Variants in NUDT5 observed in about 807,000 individuals in gnomAD.
NUDT5 encodes nudix hydrolase 5.
A neutral mutation model predicts 34.1 loss-of-function variants in NUDT5; 21 were observed. The observed-to-expected ratio is 0.62, with a 90% CI of 0.44 to 0.89. NUDT5 has a LOEUF of 0.89. NUDT5 is among the 40% of genes least tolerant of loss of function. The pLI is 0.00. For missense variants in NUDT5, 249 were observed against 274.8 expected (o/e 0.91, Z 0.66); for synonymous variants, 85 against 97.6 (o/e 0.87, Z 0.76).
intron 3 of NUDT5, among the ~76,000 whole-genome samples, chr10:12,179,341 C>T (rs1835009132): frequency 6.6e-6 from 1 of 152,184 alleles, no homozygotes; most frequent in Non-Finnish European, 1.5e-5. Flanking sequence ...AAACTCTTGC[C>T]ACCCTACACC....
rs563655993 is a variant in NUDT5, at chr10:12,191,460, T to C, written c.-42+4310A>G. On this transcript the variant is annotated intron_variant, in intron 1 of 9. Transcript: ENST00000491614. ...ACAAAACTCCCAAAACAACTCCACA[T>C]ATAATGATGATTTGCGAACACATTT... Among the ~76,000 whole-genome samples the C allele has an allele frequency of 1.4e-3, 211 of 152,204 alleles. 1 individual carries two copies. Among genetic ancestry groups the C allele is most frequent in the Non-Finnish European group, 2.6e-3 (177 of 68,010 alleles).
Position 12,186,330 on chromosome 10 carries a change from A to ACCCT in NUDT5, c.-41-2_-40dup. ...TTTACAGCCCTCAGGTGAGAAGTTC[A>ACCCT]CCCTGCAAGATAATGAGATTTGTTC... On this transcript the variant is annotated splice_region_variant and 5_prime_UTR_variant, in exon 2 of 10. Transcript: ENST00000491614. 7.3e-7 allele frequency: 1 copy of ACCCT among 1,376,980 alleles called. No homozygotes were observed. The highest frequency in any genetic ancestry group is 1.0e-6 in the Non-Finnish European group (1 of 963,696). 85.3% of individuals were successfully genotyped at this position (1,376,980 alleles called of 1,614,324 possible).
At position 12,166,628 on chromosome 10, in the gene NUDT5, G is replaced by T. The variant is rs1361532487; in HGVS notation, c.*1074C>A. 4.6e-6 allele frequency: 2 copies of T among 437,590 alleles called. No homozygotes were observed. Among genetic ancestry groups the T allele is most frequent in the South Asian group, 3.4e-5 (2 of 59,338 alleles). The allele number at this position is 437,590 out of a possible 1,614,324, so 27.1% of individuals were successfully genotyped here. ...CCTTTCATATGGTTCTCAGGGCCTG[G>T]CTTACCCGCTGGAGCCAGGCTAGAA... On this transcript the variant is annotated 3_prime_UTR_variant, in exon 10 of 10. Coordinates refer to ENST00000491614, the MANE Select transcript of NUDT5 (RefSeq NM_014142.4).
chr10:12,192,742 T>C (rs184564783), intron 1 of NUDT5, among the ~76,000 whole-genome samples: 20 of 151,732 alleles, frequency 1.3e-4, no homozygotes, highest in African/African-American at 3.4e-4. Flanking sequence ...TCCCAGCTAC[T>C]TGGGAGACTG....
In NUDT5 at chr10:12,168,452, G is replaced by T. The variant is rs1362596714; in HGVS notation, c.551-641C>A. Among the ~76,000 whole-genome samples, 1 of 152,150 alleles carries T rather than the reference G, an allele frequency of 6.6e-6. No individual in the cohort carries two copies. The highest frequency in any genetic ancestry group is 2.4e-5 in the African/African-American group (1 of 41,432). ...TGGTGATGATTATGTAGGATCTTAG[G>T]GATTCCATCTTTTCTGCTGCTAGGG... On this transcript the variant is annotated intron_variant, in intron 9 of 9. Coordinates refer to ENST00000491614, the MANE Select transcript of NUDT5 (RefSeq NM_014142.4). The surrounding 1 kb of genome is among the most constrained non-coding windows in gnomAD (Gnocchi z 4.8).
intron 1 of NUDT5, among the ~76,000 whole-genome samples, chr10:12,191,404 CAAAAA>C (rs1235855493): frequency 1.0e-5 from 1 of 99,354 alleles, no homozygotes; most frequent in South Asian, 4.1e-4. Flanking sequence ...CAAAACAAAA[CAAAAA>C]AAACCACAAA....
intron 3 of NUDT5, among the ~76,000 whole-genome samples, chr10:12,179,483 T>C (rs1479219553): frequency 2.0e-5 from 3 of 152,158 alleles, no homozygotes; most frequent in Non-Finnish European, 4.4e-5. Context: ...AAGCAGGTAA[T>C]GCAAATGAAG....
rs536408920 is a variant in NUDT5, at chr10:12,179,112, C to T, written c.152G>A (p.Arg51His). 4.3e-6 allele frequency: 7 copies of T among 1,614,000 alleles called. No homozygotes were observed. In the South Asian group the frequency reaches 4.4e-5, roughly 10 times the overall value. The change falls in exon 4 of 10, where the codon CGT (arginine) becomes CAT (histidine). Residue 51 changes from arginine to histidine, a missense_variant. Physicochemically the swap from Arg to His is conservative, Grantham distance 29. Transcript: ENST00000491614. ...CGCAGTCTGCTCTTTCCTGGTTGTA[C>T]GTTTCACTGATTCCCAAGTTCTGTT... ...GKTRTWESVK[R>H]TTRKEQTADG...
chr10:12,193,712 T>C (rs7072888), intron 1 of NUDT5, among the ~76,000 whole-genome samples: 56,977 of 152,056 alleles, frequency 0.37, 11,619 homozygotes, highest in Non-Finnish European at 0.43. Context: ...CAAAAAGTCA[T>C]TGAACACACT....
chr10:12,170,547 A>C lies in NUDT5; in HGVS notation c.550+170T>G, dbSNP rs779931895. 11 of 706,320 alleles carry C rather than the reference A, an allele frequency of 1.6e-5. No homozygotes were observed. The highest frequency in any genetic ancestry group is 2.7e-5 in the Non-Finnish European group (11 of 410,332). 43.8% of individuals were successfully genotyped at this position (706,320 alleles called of 1,614,324 possible). ...TGCTCTTATTTTCAAACTCTGTGCC[A>C]CCCAGAAAGGAAAATTAGTAGTGGT... On this transcript the variant is annotated intron_variant, in intron 9 of 9. Transcript: ENST00000491614. This position sits in a 1 kb window ranked among gnomAD's most constrained non-coding sequence, Gnocchi z 4.9.
At chr10:12,191,307 C>T (rs144074184) in intron 1 of NUDT5, among the ~76,000 whole-genome samples, 2,405 of 151,988 alleles carry the variant, frequency 0.016, 70 homozygotes, top group East Asian at 0.11. Flanking sequence ...GGCATGAACC[C>T]GGGAGGTGGA....
At chr10:12,189,078 T>C (rs749003886) in intron 1 of NUDT5, among the ~76,000 whole-genome samples, 6 of 152,196 alleles carry the variant, frequency 3.9e-5, no homozygotes, top group African/African-American at 1.4e-4. Flanking sequence ...ACTTATTCCT[T>C]TGAAAGTACC....
In NUDT5 at chr10:12,175,998, G is replaced by T. The variant is rs866721176; in HGVS notation, c.289+1795C>A. Among the ~76,000 whole-genome samples, 1 of 152,194 alleles carries T rather than the reference G, an allele frequency of 6.6e-6. No homozygotes were observed. The highest frequency in any genetic ancestry group is 1.5e-5 in the Non-Finnish European group (1 of 68,034). Reference sequence around the variant, plus strand: ...TAATCCCAGCACTTTGGGAGGCCGAGACCAGCCTGACCAACATGGAGAAAC... The same window carrying T: ...TAATCCCAGCACTTTGGGAGGCCGATACCAGCCTGACCAACATGGAGAAAC... On this transcript the variant is annotated intron_variant, in intron 5 of 9. Coordinates refer to ENST00000491614, the MANE Select transcript of NUDT5 (RefSeq NM_014142.4). This position sits in a 1 kb window ranked among gnomAD's most constrained non-coding sequence, Gnocchi z 4.8.
At chr10:12,194,427 A>G (rs1588665009) in intron 1 of NUDT5, among the ~76,000 whole-genome samples, 1 of 152,308 alleles carries the variant, frequency 6.6e-6, no homozygotes, top group East Asian at 1.9e-4. Flanking sequence ...ACATATATAC[A>G]ATATTGCTTC....
chr10:12,179,554 T>C (rs547725697), intron 3 of NUDT5, among the ~76,000 whole-genome samples: 13 of 152,344 alleles, frequency 8.5e-5, no homozygotes, highest in African/African-American at 2.2e-4. Context: ...ACGTGAACTA[T>C]TGAGATTTTC....
At chr10:12,193,629 C>G (rs1835274127) in intron 1 of NUDT5, among the ~76,000 whole-genome samples, 1 of 152,180 alleles carries the variant, frequency 6.6e-6, no homozygotes, top group African/African-American at 2.4e-5. Context: ...ATTTGAGCAT[C>G]TCCTATGTAT....
At chr10:12,195,720 T>A (rs1835327929) in intron 1 of NUDT5, 50 bp downstream of exon 1, 1 of 159,250 alleles carries the variant, frequency 6.3e-6, no homozygotes, top group African/African-American at 2.4e-5. Flanking sequence ...CTTCTTCTTC[T>A]CCTCCCCAAA....
At chr10:12,190,437 CTG>C (rs1247592689) in intron 1 of NUDT5, among the ~76,000 whole-genome samples, 1 of 152,066 alleles carries the variant, frequency 6.6e-6, no homozygotes, top group Non-Finnish European at 1.5e-5. Context: ...GTGGAAACGT[CTG>C]TGTATATACT....
In NUDT5 at chr10:12,177,893, C is replaced by G; in HGVS notation, c.189G>C (p.Ala63=). The change falls in exon 5 of 10, where the codon GCG becomes GCC. Residue 63 remains alanine (A), a synonymous_variant. Coordinates refer to ENST00000491614, the MANE Select transcript of NUDT5 (RefSeq NM_014142.4). ...TRKEQTADGV[A]VIPVLQRTLH... Reference sequence around the variant, plus strand: ...GTGTTCTCTGCAGCACGGGGATGACCGCGACACCTGTCACCAGGAAATGGA... The same window carrying G: ...GTGTTCTCTGCAGCACGGGGATGACGGCGACACCTGTCACCAGGAAATGGA... 1 of 1,613,596 alleles carries G rather than the reference C, an allele frequency of 6.2e-7. No individual in the cohort carries two copies. Among genetic ancestry groups the G allele is most frequent in the East Asian group, 2.2e-5 (1 of 44,882 alleles).
Sources: allele counts gnomAD v4.1 joint callset (sites outside exome capture counted in the v4.1 genomes callset), GRCh38; gene constraint gnomAD v4.1.1; non-coding constraint Gnocchi (gnomAD v3.1); transcripts MANE v1.5; gene names NCBI Gene and HGNC (gene_info 2026-07-23, HGNC 2026-07-21).